Variants in ACACB observed in about 807,000 individuals in gnomAD.
ACACB encodes acetyl-CoA carboxylase beta, also known as acetyl-CoA carboxylase 2.
In ACACB, 209 loss-of-function variants were observed where a neutral mutation model predicts 278.8. The ratio of observed to expected loss-of-function variants is 0.75; its 90% confidence interval spans 0.67 to 0.84. The LOEUF is 0.84. ACACB is among the 40% of genes least tolerant of loss of function. The pLI is 0.00. For synonymous variants in ACACB, 1,174 were observed against 1,285.6 expected (o/e 0.91, Z 1.86); for missense variants, 2,850 against 3,269.0 (o/e 0.87, Z 3.13).
At chr12:109,148,323 C>T (rs1035144663) in intron 2 of ACACB, among the ~76,000 whole-genome samples, 1 of 152,180 alleles carries the variant, frequency 6.6e-6, no homozygotes, top group Non-Finnish European at 1.5e-5. Flanking sequence ...GGACAAACAG[C>T]ATGTGGTTAG....
Position 109,191,663 on chromosome 12 carries a change from C to T in ACACB, c.2195C>T (p.Thr732Ile), listed in dbSNP as rs1364034009. ...CTGTCCATCCGAGGCGACTTTAGGA[C>T]TACCGTGGAATACCTCATTAACCTC... ...KELSIRGDFRTTVEYLINLLE... is the reference protein window; with the variant it reads ...KELSIRGDFRITVEYLINLLE... The change falls in exon 14 of 53, where the codon ACT (threonine) becomes ATT (isoleucine). Residue 732 changes from threonine to isoleucine, a missense_variant. Around this residue, in one of 3 missense-constraint regions of ACACB, gnomAD observed 2,265 missense variants for 2,561.3 expected, o/e 0.88. Transcript: ENST00000338432. 1.4e-5 allele frequency: 22 copies of T among 1,614,082 alleles called. No individual in the cohort carries two copies. The highest frequency in any genetic ancestry group is 1.8e-5 in the Non-Finnish European group (21 of 1,180,032).
At chr12:109,175,876 TTG>T (rs1352502304) in intron 7 of ACACB, 53 bp from the exon 8 acceptor site, 1 of 1,498,894 alleles carries the variant, frequency 6.7e-7, no homozygotes, top group Non-Finnish European at 9.3e-7. Context: ...GGTTTCTGGG[TTG>T]TGTGTGTTTC....
intron 2 of ACACB, among the ~76,000 whole-genome samples, chr12:109,153,191 G>T (rs1191623975): frequency 2.0e-5 from 3 of 151,546 alleles, no homozygotes; most frequent in Non-Finnish European, 4.4e-5. Flanking sequence ...ATTTCACCAT[G>T]TTGGCCAGGC....
In ACACB at chr12:109,120,169, G is replaced by A. The variant is rs368817545; in HGVS notation, c.-10+3465G>A. On this transcript the variant is annotated intron_variant, in intron 1 of 52. Coordinates refer to ENST00000338432, the MANE Select transcript of ACACB (RefSeq NM_001093.4). ...CTTTTATTTCCATACTCCCCACAAA[G>A]TGAGGCTTTTGGAGCTCTTCTGATA... Among the ~76,000 whole-genome samples, 9 of 152,274 alleles carry A rather than the reference G, an allele frequency of 5.9e-5. No homozygotes were observed. The East Asian group carries it at 9.7e-4, about 16-fold the overall frequency.
At chr12:109,213,655 T>C (rs1474057749) in intron 22 of ACACB, among the ~76,000 whole-genome samples, 3 of 151,892 alleles carry the variant, frequency 2.0e-5, no homozygotes, top group Non-Finnish European at 4.4e-5. Flanking sequence ...AGTGTAATGG[T>C]TCGATCTTGG....
chr12:109,160,348 GT>G (rs2043684349), intron 2 of ACACB, among the ~76,000 whole-genome samples: 1 of 152,128 alleles, frequency 6.6e-6, no homozygotes, highest in African/African-American at 2.4e-5. Flanking sequence ...CTGAACCTCG[GT>G]TTCCTCATCG....
At chr12:109,158,379 T>G (rs1467169216) in intron 2 of ACACB, among the ~76,000 whole-genome samples, 1 of 152,080 alleles carries the variant, frequency 6.6e-6, no homozygotes, top group African/African-American at 2.4e-5. Flanking sequence ...TTTTTTTTTT[T>G]TTCGATGACT....
At chr12:109,190,136 G>T (rs1374802259) in intron 13 of ACACB, among the ~76,000 whole-genome samples, 1 of 152,082 alleles carries the variant, frequency 6.6e-6, no homozygotes, top group Non-Finnish European at 1.5e-5. Context: ...AAGAAAAAAA[G>T]AAAGCTTTCT....
intron 2 of ACACB, among the ~76,000 whole-genome samples, chr12:109,163,883 T>G (rs922779309): frequency 6.6e-6 from 1 of 152,158 alleles, no homozygotes; most frequent in Non-Finnish European, 1.5e-5. Context: ...CTCCTGACCT[T>G]AAGTGATCTT....
intron 1 of ACACB, among the ~76,000 whole-genome samples, chr12:109,130,660 T>G (rs1176134965): frequency 1.3e-5 from 2 of 152,220 alleles, no homozygotes; most frequent in Non-Finnish European, 2.9e-5. Context: ...ACCCCAGATC[T>G]ACAGGCCGAG....
At chr12:109,250,141 T>C in intron 41 of ACACB, 37 bp downstream of exon 41, 1 of 1,543,952 alleles carries the variant, frequency 6.5e-7, no homozygotes, top group Admixed American at 2.2e-5. Flanking sequence ...TTTTCAACTT[T>C]CCATTATAGA....
At chr12:109,168,127 C>T in intron 4 of ACACB, 93 bp downstream of exon 4, 5 of 1,377,422 alleles carry the variant, frequency 3.6e-6, no homozygotes, top group Non-Finnish European at 5.0e-6. Context: ...ATCCTGGACT[C>T]CCGATGGTCA....
At chr12:109,210,545 A>G (rs1026233343) in intron 21 of ACACB, among the ~76,000 whole-genome samples, 2 of 148,830 alleles carry the variant, frequency 1.3e-5, no homozygotes, top group African/African-American at 2.5e-5. Flanking sequence ...ATATACGTGC[A>G]TGTATATATA....
chr12:109,193,898 C>T (rs1290074678), intron 16 of ACACB, among the ~76,000 whole-genome samples, 169 bp downstream of exon 16: 1 of 152,186 alleles, frequency 6.6e-6, no homozygotes, highest in Non-Finnish European at 1.5e-5. Flanking sequence ...AACACTTTGG[C>T]TTTTAGAACA....
chr12:109,247,561 A>C (rs2046981903), intron 39 of ACACB, 45 bp from the exon 40 acceptor site: 1 of 1,407,960 alleles, frequency 7.1e-7, no homozygotes, highest in Admixed American at 1.9e-5. Context: ...AGTGGCTTTC[A>C]GTGCAGGGAA....
chr12:109,239,064 C>T (rs1038973114), intron 34 of ACACB, among the ~76,000 whole-genome samples: 3 of 151,596 alleles, frequency 2.0e-5, no homozygotes, highest in Non-Finnish European at 4.4e-5. Flanking sequence ...TTATAGGCGC[C>T]CACCACCATG....
intron 2 of ACACB, among the ~76,000 whole-genome samples, chr12:109,157,283 T>C (rs1427138146): frequency 6.7e-6 from 1 of 149,920 alleles, no homozygotes; most frequent in Non-Finnish European, 1.5e-5. Flanking sequence ...TTATTATTAT[T>C]ATTATTATTA....
chr12:109,218,810 C>T (rs925376826), intron 24 of ACACB, among the ~76,000 whole-genome samples: 1 of 151,618 alleles, frequency 6.6e-6, no homozygotes, highest in Non-Finnish European at 1.5e-5. Flanking sequence ...ACTCTATCCC[C>T]CAGGCTGGAG....
At chr12:109,132,280 T>C (rs1382415266) in intron 1 of ACACB, among the ~76,000 whole-genome samples, 1 of 152,112 alleles carries the variant, frequency 6.6e-6, no homozygotes, top group Non-Finnish European at 1.5e-5. Flanking sequence ...TTCTCCTGCC[T>C]CAGCCTCCCA....
Sources: allele counts gnomAD v4.1 joint callset (sites outside exome capture counted in the v4.1 genomes callset), GRCh38; gene constraint gnomAD v4.1.1; regional missense constraint gnomAD v4.1.1; transcripts MANE v1.5; gene names NCBI Gene and HGNC (gene_info 2026-07-23, HGNC 2026-07-21).